The following SLC14A2 variants were observed in gnomAD, a reference collection of about 807,000 sequenced individuals.
The protein encoded by SLC14A2 is solute carrier family 14 member 2.
Under a neutral mutation model 104.6 loss-of-function variants are expected in SLC14A2, and 91 were observed. The observed-to-expected ratio is 0.87, with a 90% CI of 0.73 to 1.04. The LOEUF (loss-of-function observed/expected upper bound fraction) is 1.04. Ranked by LOEUF, SLC14A2 falls within the 50% of genes least tolerant of loss-of-function variation. The pLI, the probability that SLC14A2 is intolerant of heterozygous loss-of-function variation, is 0.00. For missense variants in SLC14A2, 1,189 were observed against 1,156.0 expected (o/e 1.03, Z -0.41); for synonymous variants, 476 against 466.4 (o/e 1.02, Z -0.27).
At chr18:45,521,986 G>A (rs999332964) in intron 2 of SLC14A2, among the ~76,000 whole-genome samples, 1 of 152,188 alleles carries the variant, frequency 6.6e-6, no homozygotes, top group Non-Finnish European at 1.5e-5. Flanking sequence ...GCTTGCCATG[G>A]AGGAAAGCGT....
chr18:45,527,157 G>C (rs1421703328), intron 2 of SLC14A2, among the ~76,000 whole-genome samples: 3 of 152,162 alleles, frequency 2.0e-5, no homozygotes, highest in South Asian at 2.1e-4. Flanking sequence ...CCAAGAAAAG[G>C]AAGTTTGGCT....
chr18:45,534,812 CT>C (rs1156330062), intron 2 of SLC14A2, among the ~76,000 whole-genome samples: 2 of 152,172 alleles, frequency 1.3e-5, no homozygotes, highest in Non-Finnish European at 1.5e-5. Context: ...CAGAGGAGAA[CT>C]AACTAGTTCA....
chr18:45,232,037 A>T (rs551185716), intron 1 of SLC14A2, among the ~76,000 whole-genome samples: 7 of 98,124 alleles, frequency 7.1e-5, no homozygotes, highest in South Asian at 2.9e-4. Context: ...TTGCAATAGT[A>T]AAAAAAAAAA....
At chr18:45,250,056 T>A (rs2084405800) in intron 1 of SLC14A2, among the ~76,000 whole-genome samples, 1 of 152,108 alleles carries the variant, frequency 6.6e-6, no homozygotes. Context: ...TAAGGCCAGA[T>A]CTTGGATTTG....
At chr18:45,251,821 G>C (rs2084426560) in intron 1 of SLC14A2, among the ~76,000 whole-genome samples, 1 of 152,162 alleles carries the variant, frequency 6.6e-6, no homozygotes, top group African/African-American at 2.4e-5. Flanking sequence ...CTGGGGTAAG[G>C]CTTCAACATA....
At chr18:45,679,524 G>A (rs982107299) in intron 19 of SLC14A2, among the ~76,000 whole-genome samples, 6 of 152,204 alleles carry the variant, frequency 3.9e-5, no homozygotes, top group Non-Finnish European at 8.8e-5. Context: ...GGGCTCCAGT[G>A]TAGGGTGATG....
At chr18:45,572,173 A>C (rs146338159) in intron 2 of SLC14A2, among the ~76,000 whole-genome samples, 1 of 152,350 alleles carries the variant, frequency 6.6e-6, no homozygotes, top group East Asian at 1.9e-4. Context: ...GTTCAGAGTT[A>C]ATTAACACAT....
intron 3 of SLC14A2, 64 bp downstream of exon 3, chr18:45,625,927 C>T (rs544879362): frequency 1.4e-5 from 17 of 1,234,576 alleles, no homozygotes; most frequent in South Asian, 4.5e-5. Context: ...ACCCTCTCTC[C>T]GGTTTGGTCC....
chr18:45,604,659 A>C (rs759211442), intron 2 of SLC14A2, among the ~76,000 whole-genome samples: 4 of 152,230 alleles, frequency 2.6e-5, no homozygotes, highest in Non-Finnish European at 5.9e-5. Context: ...CATTAGAAAA[A>C]TATTTTTGGG....
rs186526794 is a variant in SLC14A2, at chr18:45,229,913, G to C, written c.-125+16722G>C. Among the ~76,000 whole-genome samples, 14 of 152,308 alleles carry C rather than the reference G, an allele frequency of 9.2e-5. No individual in the cohort carries two copies. The East Asian group carries it at 2.3e-3, about 25-fold the overall frequency. On this transcript the variant is annotated intron_variant, in intron 1 of 20. Coordinates refer to the SLC14A2 transcript ENST00000586448. Reference sequence around the variant, plus strand: ...CTGCTTGGATTCAAATCCTGGATCGGTATGTGCTTGCTACACAGCCTTGGG... The same window carrying C: ...CTGCTTGGATTCAAATCCTGGATCGCTATGTGCTTGCTACACAGCCTTGGG...
chr18:45,572,098 T>C (rs893407545), intron 2 of SLC14A2, among the ~76,000 whole-genome samples: 9 of 152,234 alleles, frequency 5.9e-5, no homozygotes, highest in Non-Finnish European at 1.3e-4. Flanking sequence ...GCTACCGCTA[T>C]GATCAACTTG....
intron 1 of SLC14A2, among the ~76,000 whole-genome samples, chr18:45,400,175 C>T (rs2086080415): frequency 6.6e-6 from 1 of 152,140 alleles, no homozygotes; most frequent in Non-Finnish European, 1.5e-5. Flanking sequence ...CTAAATGCTC[C>T]ATTGATGTTT....
intron 2 of SLC14A2, among the ~76,000 whole-genome samples, chr18:45,588,653 T>C (rs1367447807): frequency 6.6e-5 from 10 of 152,228 alleles, no homozygotes; most frequent in Admixed American, 6.5e-4. Context: ...CCCACGGTCC[T>C]CACGGCTTTG....
At chr18:45,355,092 A>G (rs770720441) in intron 1 of SLC14A2, among the ~76,000 whole-genome samples, 1 of 152,196 alleles carries the variant, frequency 6.6e-6, no homozygotes, top group Non-Finnish European at 1.5e-5. Context: ...TAGGGCAGAG[A>G]GATGTTCATG....
intron 1 of SLC14A2, among the ~76,000 whole-genome samples, chr18:45,235,824 T>TACACAC (rs544802698): frequency 7.5e-5 from 8 of 106,008 alleles, no homozygotes; most frequent in South Asian, 2.7e-4. Context: ...TATATATATA[T>TACACAC]ATATATACGT....
intron 1 of SLC14A2, among the ~76,000 whole-genome samples, chr18:45,223,285 G>A (rs969004381): frequency 2.6e-5 from 4 of 152,140 alleles, no homozygotes; most frequent in Non-Finnish European, 5.9e-5. Flanking sequence ...CACAATGACG[G>A]AAGTTCAGGA....
intron 1 of SLC14A2, among the ~76,000 whole-genome samples, chr18:45,475,618 GGA>G (rs2087347232): frequency 6.8e-5 from 4 of 58,658 alleles, no homozygotes; most frequent in African/African-American, 1.8e-4. Flanking sequence ...TATATATTTA[GGA>G]TATATATATA....
intron 1 of SLC14A2, among the ~76,000 whole-genome samples, chr18:45,290,756 TATTAATTTC>T (rs2084861354): frequency 6.6e-6 from 1 of 151,908 alleles, no homozygotes; most frequent in South Asian, 2.1e-4. Context: ...TTAAACAAAA[TATTAATTTC>T]ATCTGTTTAT....
the SLC14A2 span, among the ~76,000 whole-genome samples, chr18:45,189,411 C>A: frequency 6.6e-6 from 1 of 152,158 alleles, no homozygotes; most frequent in African/African-American, 2.4e-5. Context: ...TGTTACAATA[C>A]ACCAATAAGT....
Sources: gnomAD v4.1 joint callset for allele counts (sites outside exome capture counted in the v4.1 genomes callset) on GRCh38, gnomAD v4.1.1 for gene constraint, MANE v1.5 for transcripts, NCBI Gene and HGNC (gene_info 2026-07-23, HGNC 2026-07-21) for gene names.